SLC2A5: variants seen among roughly 807,000 people sequenced by gnomAD.
SLC2A5 encodes solute carrier family 2, facilitated glucose transporter member 5.
In SLC2A5, 56 loss-of-function variants were observed where a neutral mutation model predicts 50.3. The observed-to-expected ratio is 1.11, with a 90% CI of 0.90 to 1.39. SLC2A5 has a LOEUF of 1.39. Among genes scored for constraint, SLC2A5 ranks in the 40% most tolerant of loss-of-function variants. The probability of loss-of-function intolerance (pLI) is 0.00; values close to 1 mark genes in which losing one functional copy is unlikely to be tolerated. For synonymous variants in SLC2A5, 269 were observed against 281.9 expected (o/e 0.95, Z 0.46); for missense variants, 566 against 650.1 (o/e 0.87, Z 1.41).
At chr1:9,076,122 A>T (rs1290711636) in intron 2 of SLC2A5, among the ~76,000 whole-genome samples, 1 of 151,658 alleles carries the variant, frequency 6.6e-6, no homozygotes, top group East Asian at 1.9e-4. Context: ...CGCCTGGCTA[A>T]TTTTTGTATT....
chr1:9,060,207 C>T (rs1019686072), intron 1 of SLC2A5, among the ~76,000 whole-genome samples: 5 of 147,026 alleles, frequency 3.4e-5, no homozygotes, highest in East Asian at 4.2e-4. Context: ...ACTACACACA[C>T]GCCCCTCATG....
chr1:9,055,460 T>C (rs1641726717), intron 3 of SLC2A5, among the ~76,000 whole-genome samples: 2 of 151,930 alleles, frequency 1.3e-5, no homozygotes, highest in East Asian at 1.9e-4. Context: ...GAGGTTGCAG[T>C]GTGCTGAGAT....
Position 9,037,925 on chromosome 1 carries a change from G to A in SLC2A5, c.1274C>T (p.Thr425Ile). The change falls in exon 11 of 12, where the codon ACC becomes ATC. Residue 425 changes from threonine (T) to isoleucine (I), a missense_variant. Physicochemically the swap from Thr to Ile is moderately conservative, Grantham distance 89. Transcript: ENST00000377424. ...GGSVHWLSNFTVGLIFPFIQE... is the reference protein window; with the variant it reads ...GGSVHWLSNFIVGLIFPFIQE... ...GATGAACGGGAAGATCAAGCCCACG[G>A]TGAAGTTGGAGAGCCAGTGCACACT... 6.2e-7 allele frequency: 1 copy of A among 1,613,972 alleles called. No homozygotes were observed. The highest frequency in any genetic ancestry group is 8.5e-7 in the Non-Finnish European group (1 of 1,180,036).
At chr1:9,068,815 A>T (rs1033552457) in intron 1 of SLC2A5, among the ~76,000 whole-genome samples, 1 of 152,224 alleles carries the variant, frequency 6.6e-6, no homozygotes, top group African/African-American at 2.4e-5. Flanking sequence ...AAAAATGTGC[A>T]CTATCCTTCC....
chr1:9,044,617 C>A lies in SLC2A5; in HGVS notation c.419-2680G>T, dbSNP rs578245442. ...TTGCCCAGGCTGGAGTACAGTGGCA[C>A]GATCTCGGCTCACTGCAACCTCCCC... On this transcript the variant is annotated intron_variant, in intron 4 of 11. Coordinates refer to ENST00000377424, the MANE Select transcript of SLC2A5 (RefSeq NM_003039.3). 1.6e-4 allele frequency among the ~76,000 whole-genome samples: 25 copies of A among 152,152 alleles called. No homozygotes were observed. The East Asian group carries it at 4.9e-3, about 30-fold the overall frequency.
At position 9,037,805 on chromosome 1, in the gene SLC2A5, C is replaced by A; in HGVS notation, c.1303-16G>T. The A allele has an allele frequency of 1.2e-6, 2 of 1,614,056 alleles. No homozygotes were observed. The highest frequency in any genetic ancestry group is 1.7e-6 in the Non-Finnish European group (2 of 1,180,010). ...CGAGGCCCTCCTGCGGGAAGAGGGG[C>A]AGGTGACACGTGTGGGACGTGGTTT... On this transcript the variant is annotated splice_polypyrimidine_tract_variant and intron_variant, in intron 11 of 11. Coordinates refer to ENST00000377424, the MANE Select transcript of SLC2A5 (RefSeq NM_003039.3).
upstream of SLC2A5, chr1:9,071,579 C>T (rs1380534370): frequency 6.6e-6 from 1 of 152,358 alleles, no homozygotes; most frequent in East Asian, 1.9e-4. Context: ...CACTCCCAGT[C>T]CCCGCCTTGA....
At chr1:9,076,214 C>A (rs1298734970) in intron 2 of SLC2A5, among the ~76,000 whole-genome samples, 1 of 152,130 alleles carries the variant, frequency 6.6e-6, no homozygotes, top group Admixed American at 6.5e-5. Flanking sequence ...CCTCGGCCTC[C>A]CAAAGTGCTG....
chr1:9,078,954 C>T (rs1452002095), intron 2 of SLC2A5, among the ~76,000 whole-genome samples: 1 of 152,202 alleles, frequency 6.6e-6, no homozygotes, highest in Non-Finnish European at 1.5e-5. Context: ...GCTTTTGGCA[C>T]AGGCAGTGTA....
intron 2 of SLC2A5, among the ~76,000 whole-genome samples, chr1:9,077,645 C>T (rs911721548): frequency 6.7e-6 from 1 of 149,700 alleles, no homozygotes; most frequent in Admixed American, 6.7e-5. Flanking sequence ...ATTCCAGCTA[C>T]TCGGGAGGCT....
chr1:9,042,758 G>C (rs965689186), intron 4 of SLC2A5, among the ~76,000 whole-genome samples: 1 of 151,872 alleles, frequency 6.6e-6, no homozygotes, highest in Non-Finnish European at 1.5e-5. Flanking sequence ...CTAGCCCCCA[G>C]CTTTACCTTA....
chr1:9,083,627 G>T (rs989410814), intron 2 of SLC2A5, among the ~76,000 whole-genome samples: 9 of 151,412 alleles, frequency 5.9e-5, no homozygotes, highest in Non-Finnish European at 7.4e-5. Context: ...GTTCAAGACC[G>T]GCCTGGCCAA....
intron 3 of SLC2A5, among the ~76,000 whole-genome samples, chr1:9,047,998 A>G (rs1641479095): frequency 6.6e-6 from 1 of 152,200 alleles, no homozygotes; most frequent in Non-Finnish European, 1.5e-5. Flanking sequence ...GTATTAAGAT[A>G]TAGTAAAGGG....
Position 9,079,035 on chromosome 1 carries a change from C to T in SLC2A5, c.-59+5979G>A, listed in dbSNP as rs117390505. Among the ~76,000 whole-genome samples the T allele has an allele frequency of 9.9e-5, 15 of 152,240 alleles. No homozygotes were observed. The East Asian group carries it at 1.9e-3, about 20-fold the overall frequency. On this transcript the variant is annotated intron_variant, in intron 2 of 5. Transcript: ENST00000464985. ...GGACCTCCCAACCCCAGTGCCCACG[C>T]GCGGTGTCTCCCTCTTCCTCTTCTG...
chr1:9,041,905 C>CT lies in SLC2A5; in HGVS notation c.450dup (p.Gly151ArgfsTer6). On this transcript the variant is annotated frameshift_variant, in exon 5 of 12. Coordinates refer to ENST00000377424, the MANE Select transcript of SLC2A5 (RefSeq NM_003039.3). LOFTEE classifies it high-confidence loss of function. The stretch of plus-strand genomic sequence containing the variant: ...CGCAGGTTTTTAGGGGCCAGCTCCC[C>CT]TAAGTACATGGGGACCACGTTGGAA... The CT allele has an allele frequency of 6.2e-7, 1 of 1,613,272 alleles. No individual in the cohort carries two copies. Among genetic ancestry groups the CT allele is most frequent in the Non-Finnish European group, 8.5e-7 (1 of 1,179,690 alleles).
chr1:9,037,896 C>A lies in SLC2A5; in HGVS notation c.1302+1G>T. 1 of 1,613,666 alleles carries A rather than the reference C, an allele frequency of 6.2e-7. No individual in the cohort carries two copies. Among genetic ancestry groups the A allele is most frequent in the Non-Finnish European group, 8.5e-7 (1 of 1,179,946 alleles). Reference sequence around the variant, plus strand: ...GAGCGTGGGCCCCGGGCCCCACTCACCTGGATGAACGGGAAGATCAAGCCC... The same window carrying A: ...GAGCGTGGGCCCCGGGCCCCACTCAACTGGATGAACGGGAAGATCAAGCCC... On this transcript the variant is annotated splice_donor_variant, in intron 11 of 11. Transcript: ENST00000377424. LOFTEE classifies it high-confidence loss of function.
intron 4 of SLC2A5, 133 bp downstream of exon 4, chr1:9,047,476 CT>C: frequency 1.2e-6 from 1 of 829,898 alleles, no homozygotes; most frequent in South Asian, 1.8e-5. Context: ...GCTCAACCAT[CT>C]GTTTCACAGC....
chr1:9,082,747 A>C (rs893521892), intron 2 of SLC2A5: 1 of 388,976 alleles, frequency 2.6e-6, no homozygotes, highest in Non-Finnish European at 5.0e-6. Context: ...TTGTGGGTGC[A>C]ATCTTGCACC....
intron 1 of SLC2A5, among the ~76,000 whole-genome samples, chr1:9,068,224 A>C (rs551279211): frequency 6.7e-6 from 1 of 149,900 alleles, no homozygotes; most frequent in African/African-American, 2.4e-5. Flanking sequence ...GAGAGAGAGA[A>C]AGAAAAGTAG....
Sources: gnomAD v4.1 joint callset for allele counts (sites outside exome capture counted in the v4.1 genomes callset) on GRCh38, gnomAD v4.1.1 for gene constraint, MANE v1.5 for transcripts, NCBI Gene and HGNC (gene_info 2026-07-23, HGNC 2026-07-21) for gene names.